Variants in NCOA7 observed in about 807,000 individuals in gnomAD.
The protein encoded by NCOA7 is nuclear receptor coactivator 7.
In NCOA7, 45 loss-of-function variants were observed where a neutral mutation model predicts 104.3. That is an observed-to-expected ratio of 0.43 (90% confidence interval 0.34 to 0.55). The LOEUF is 0.55. NCOA7 is among the 20% of genes least tolerant of loss of function. The pLI, the probability that NCOA7 is intolerant of heterozygous loss-of-function variation, is 0.02. For synonymous variants in NCOA7, 398 were observed against 402.3 expected (o/e 0.99, Z 0.13); for missense variants, 1,041 against 1,119.7 (o/e 0.93, Z 1.00).
chr6:125,852,132 C>A (rs568628485), intron 2 of NCOA7, among the ~76,000 whole-genome samples: 1 of 151,978 alleles, frequency 6.6e-6, no homozygotes, highest in Admixed American at 6.6e-5. Flanking sequence ...GTTTTTATTG[C>A]ATTTGCTTTT....
chr6:125,865,975 A>G lies in NCOA7; in HGVS notation c.272-8914A>G, dbSNP rs1286643062. On this transcript the variant is annotated intron_variant, in intron 3 of 15. Coordinates refer to ENST00000392477, the MANE Select transcript of NCOA7 (RefSeq NM_181782.5). ...TGTTCTGGGATTACAGGTGTGAGCC[A>G]CTGCATCTGGCCAAGAAGACATTCT... Among the ~76,000 whole-genome samples the G allele has an allele frequency of 1.5e-5, 2 of 136,966 alleles. 1 individual carries two copies. Among genetic ancestry groups the G allele is most frequent in the Admixed American group, 1.4e-4 (2 of 14,472 alleles). The allele number at this position is 136,966 out of a possible 152,430, so 89.9% of individuals were successfully genotyped here.
intron 10 of NCOA7, among the ~76,000 whole-genome samples, chr6:125,897,670 G>GTA (rs1258786273): frequency 1.3e-5 from 2 of 151,906 alleles, no homozygotes; most frequent in South Asian, 2.1e-4. Context: ...AAATTGGGAT[G>GTA]TATTTCCCTT....
intron 12 of NCOA7, 35 bp from the exon 13 acceptor site, chr6:125,922,647 A>G (rs1341312464): frequency 1.3e-6 from 2 of 1,594,294 alleles, no homozygotes; most frequent in African/African-American, 2.7e-5. Context: ...TTGTGGGTGA[A>G]CCTTCTGTTT....
At chr6:125,798,191 T>G (rs1243605090) in intron 1 of NCOA7, 3 of 152,204 alleles carry the variant, frequency 2.0e-5, no homozygotes, top group Non-Finnish European at 4.4e-5. Context: ...GACATGAAGC[T>G]GAAGTTCCGT....
chr6:125,807,561 C>G (rs1165815953), intron 1 of NCOA7, among the ~76,000 whole-genome samples: 1 of 152,136 alleles, frequency 6.6e-6, no homozygotes, highest in Non-Finnish European at 1.5e-5. Context: ...TTTCTTAGTA[C>G]CTCACCAGTA....
intron 2 of NCOA7, among the ~76,000 whole-genome samples, chr6:125,831,505 C>T (rs1779182735): frequency 2.0e-5 from 3 of 150,992 alleles, no homozygotes; most frequent in Admixed American, 2.0e-4. Context: ...TTCCTACTTC[C>T]AATTTTCTTT....
At chr6:125,788,797 C>T (rs1034404219), upstream of NCOA7, among the ~76,000 whole-genome samples, 2 of 151,732 alleles carry the variant, frequency 1.3e-5, no homozygotes, top group African/African-American at 4.8e-5. Context: ...CCGCCTCGGC[C>T]TCCCAAAGTG....
At chr6:125,787,189 C>A (rs1774513485), upstream of NCOA7, among the ~76,000 whole-genome samples, 1 of 151,650 alleles carries the variant, frequency 6.6e-6, no homozygotes, top group Admixed American at 6.6e-5. Flanking sequence ...GACTCAGGAG[C>A]CTTTCATTTG....
intron 14 of NCOA7, 129 bp from the exon 15 acceptor site, chr6:125,928,045 C>T: frequency 3.4e-6 from 3 of 882,738 alleles, no homozygotes; most frequent in East Asian, 2.5e-5. Context: ...CCAGGTCTGG[C>T]AGTCAGGAAC....
intron 2 of NCOA7, among the ~76,000 whole-genome samples, chr6:125,851,098 AT>A (rs934340825): frequency 2.0e-5 from 3 of 152,046 alleles, no homozygotes; most frequent in East Asian, 1.9e-4. Context: ...ATTTTTGGTT[AT>A]TTTTTTATTA....
At chr6:125,920,517 C>T (rs925288248) in intron 11 of NCOA7, among the ~76,000 whole-genome samples, 11 of 152,134 alleles carry the variant, frequency 7.2e-5, no homozygotes, top group Admixed American at 2.0e-4. Flanking sequence ...TCTCAGTGAC[C>T]GAGCAATCAG....
chr6:125,889,445 A>G lies in NCOA7; in HGVS notation c.1391A>G (p.Gln464Arg). The G allele has an allele frequency of 6.2e-7, 1 of 1,614,112 alleles. No individual in the cohort carries two copies. The highest frequency in any genetic ancestry group is 8.5e-7 in the Non-Finnish European group (1 of 1,179,986). Residue 464 changes from glutamine (Q) to arginine (R), a missense_variant, in exon 9 of 16, where the codon CAG becomes CGG. Physicochemically the swap from Gln to Arg is conservative, Grantham distance 43. Coordinates refer to ENST00000392477, the MANE Select transcript of NCOA7 (RefSeq NM_181782.5). The part of the protein sequence containing the change: ...INNSAVEMQV[Q>R]SALAFLGTEN... ...AATTCTGCCGTGGAAATGCAGGTGC[A>G]GTCAGCCCTAGCCTTTTTGGGAACA...
upstream of NCOA7, among the ~76,000 whole-genome samples, chr6:125,786,500 A>G (rs1774468717): frequency 6.6e-6 from 1 of 152,132 alleles, no homozygotes; most frequent in Non-Finnish European, 1.5e-5. Context: ...TATACATCAC[A>G]TATGTACATA....
chr6:125,847,320 T>C (rs1780707304), intron 2 of NCOA7, among the ~76,000 whole-genome samples: 1 of 152,218 alleles, frequency 6.6e-6, no homozygotes, highest in African/African-American at 2.4e-5. Flanking sequence ...TGTTGTCCAA[T>C]AGAGTAACCA....
intron 13 of NCOA7, among the ~76,000 whole-genome samples, chr6:125,926,113 C>T (rs1196143826): frequency 6.6e-6 from 1 of 152,044 alleles, no homozygotes; most frequent in African/African-American, 2.4e-5. Flanking sequence ...GAGTTCCAGA[C>T]CAGCCTGACC....
At chr6:125,834,377 C>T (rs745714375) in intron 2 of NCOA7, among the ~76,000 whole-genome samples, 9 of 152,016 alleles carry the variant, frequency 5.9e-5, no homozygotes, top group Non-Finnish European at 8.8e-5. Flanking sequence ...ATCAGATAAT[C>T]CCCATATGAT....
Position 125,888,946 on chromosome 6 carries a change from CCT to C in NCOA7, c.894_895del (p.Gln299GlyfsTer25). ...KIKDALPSDL[P>X]QDLCPLYRPG... is the part of the protein sequence containing the mutation. ...CCATTTCTCCCCCAACAGTGACCTA[CCT>C]CAGGATCTTTGTCCTCTGTACAGGC... On this transcript the variant is annotated frameshift_variant, in exon 9 of 16. Coordinates refer to ENST00000392477, the MANE Select transcript of NCOA7 (RefSeq NM_181782.5). LOFTEE classifies it high-confidence loss of function. 1 of 1,599,938 alleles carries C rather than the reference CCT, an allele frequency of 6.3e-7. No homozygotes were observed. Among genetic ancestry groups the C allele is most frequent in the Non-Finnish European group, 8.5e-7 (1 of 1,172,136 alleles).
chr6:125,892,528 G>T (rs996202436), intron 10 of NCOA7, among the ~76,000 whole-genome samples: 1 of 152,110 alleles, frequency 6.6e-6, no homozygotes, highest in Admixed American at 6.5e-5. Context: ...AAAATAATTA[G>T]CCAGGCGTGG....
chr6:125,902,835 G>A (rs1051257608), intron 10 of NCOA7, among the ~76,000 whole-genome samples: 3 of 152,184 alleles, frequency 2.0e-5, no homozygotes, highest in Admixed American at 2.0e-4. Context: ...GTGACCTTGG[G>A]TGACTTAATC....
Sources: gnomAD v4.1 joint callset for allele counts (sites outside exome capture counted in the v4.1 genomes callset) on GRCh38, gnomAD v4.1.1 for gene constraint, MANE v1.5 for transcripts, NCBI Gene and HGNC (gene_info 2026-07-23, HGNC 2026-07-21) for gene names.